The following REXO5 variants were observed in gnomAD, a reference collection of about 807,000 sequenced individuals.
REXO5 encodes the protein RNA exonuclease 5, also known as exonuclease NEF-sp.
Under a neutral mutation model 88.5 loss-of-function variants are expected in REXO5, and 48 were observed. That is an observed-to-expected ratio of 0.54 (90% confidence interval 0.43 to 0.69). The LOEUF is 0.69. REXO5 is among the 30% of genes least tolerant of loss of function. The probability of loss-of-function intolerance (pLI) is 0.00; values close to 1 mark genes in which losing one functional copy is unlikely to be tolerated. For synonymous variants in REXO5, 311 were observed against 336.5 expected (o/e 0.92, Z 0.83); for missense variants, 749 against 912.2 (o/e 0.82, Z 2.30).
chr16:20,823,602 T>G (rs930762863), intron 6 of REXO5: 1 of 152,202 alleles, frequency 6.6e-6, no homozygotes, highest in African/African-American at 2.4e-5. Flanking sequence ...ATAGACCATC[T>G]TTTGATTCTT....
chr16:20,822,033 T>A, intron 6 of REXO5, 131 bp downstream of exon 6: 2 of 903,234 alleles, frequency 2.2e-6, no homozygotes, highest in South Asian at 5.1e-5. Flanking sequence ...CTTCTATTAA[T>A]GAGGAAATAT....
At chr16:20,822,940 G>C (rs1042310282) in intron 6 of REXO5, among the ~76,000 whole-genome samples, 5 of 152,200 alleles carry the variant, frequency 3.3e-5, no homozygotes, top group African/African-American at 1.2e-4. Flanking sequence ...TGACAACTCT[G>C]TGTTTAACCT....
chr16:20,844,427 A>G, intron 16 of REXO5, among the ~76,000 whole-genome samples: 1 of 152,238 alleles, frequency 6.6e-6, no homozygotes, highest in East Asian at 1.9e-4. Context: ...GTTTACATGA[A>G]AATATGTATT....
intron 8 of REXO5, among the ~76,000 whole-genome samples, chr16:20,826,530 A>T (rs998856740): frequency 6.6e-6 from 1 of 152,226 alleles, no homozygotes; most frequent in Non-Finnish European, 1.5e-5. Context: ...GATAGTGATA[A>T]ATACTGTCCT....
intron 3 of REXO5, among the ~76,000 whole-genome samples, chr16:20,814,091 T>C (rs78714567): frequency 6.7e-6 from 1 of 149,674 alleles, no homozygotes; most frequent in East Asian, 1.9e-4. Context: ...CTAAAACTGT[T>C]TTTTTTTTTT....
At chr16:20,828,127 G>A (rs757474006) in intron 10 of REXO5, among the ~76,000 whole-genome samples, 2 of 152,184 alleles carry the variant, frequency 1.3e-5, no homozygotes, top group African/African-American at 2.4e-5. Context: ...GGTTAGATCT[G>A]AGAAATGGGC....
chr16:20,845,030 T>C (rs752842211), intron 17 of REXO5, 24 bp from the exon 18 acceptor site: 1 of 1,607,868 alleles, frequency 6.2e-7, no homozygotes, highest in African/African-American at 1.3e-5. Context: ...CTTAATAACA[T>C]AAGGTGGGGG....
At chr16:20,812,733 C>A (rs555087269) in intron 2 of REXO5, among the ~76,000 whole-genome samples, 1 of 152,152 alleles carries the variant, frequency 6.6e-6, no homozygotes, top group African/African-American at 2.4e-5. Flanking sequence ...ATGTTGAATG[C>A]GATGTTCCCT....
chr16:20,848,300 C>T (rs138334982), intron 19 of REXO5, among the ~76,000 whole-genome samples: 1,794 of 152,266 alleles, frequency 0.012, 19 homozygotes, highest in Non-Finnish European at 0.019. Flanking sequence ...GGTCTTGATG[C>T]AGCTCTTAAT....
chr16:20,844,136 C>T, intron 16 of REXO5, 110 bp downstream of exon 16: 1 of 668,006 alleles, frequency 1.5e-6, no homozygotes, highest in Non-Finnish European at 2.6e-6. Flanking sequence ...ACGCACAAGA[C>T]TTTGTTATGG....
chr16:20,847,515 G>C (rs1293551117), intron 19 of REXO5, among the ~76,000 whole-genome samples: 1 of 151,714 alleles, frequency 6.6e-6, no homozygotes, highest in African/African-American at 2.4e-5. Context: ...AGGTGGATCA[G>C]AAGAAATTCA....
intron 12 of REXO5, 67 bp downstream of exon 12, chr16:20,832,326 C>A: frequency 1.0e-6 from 1 of 982,618 alleles, no homozygotes; most frequent in Non-Finnish European, 1.5e-6. Flanking sequence ...TTAACAACAC[C>A]TGAGAATGTT....
intron 15 of REXO5, among the ~76,000 whole-genome samples, chr16:20,841,639 C>CA (rs2081529419): frequency 6.6e-6 from 1 of 152,012 alleles, no homozygotes; most frequent in Admixed American, 6.6e-5. Context: ...ATTTTTGAGA[C>CA]AGAGGCCCAG....
chr16:20,846,631 T>TA (rs566718947), intron 19 of REXO5, among the ~76,000 whole-genome samples: 102 of 152,216 alleles, frequency 6.7e-4, no homozygotes, highest in African/African-American at 2.4e-3. Context: ...CCCACTTGAG[T>TA]AAAAAAAGTA....
chr16:20,812,960 G>A (rs79511569), intron 2 of REXO5, among the ~76,000 whole-genome samples: 4,476 of 152,264 alleles, frequency 0.029, 230 homozygotes, highest in African/African-American at 0.1. Context: ...TTCCTAGCAT[G>A]TAACCAAGTA....
chr16:20,808,185 A>T (rs2080937205), intron 2 of REXO5, among the ~76,000 whole-genome samples: 1 of 152,220 alleles, frequency 6.6e-6, no homozygotes, highest in Admixed American at 6.5e-5. Context: ...TGGAAAGATT[A>T]TCTAACACGA....
chr16:20,844,208 A>T (rs1421608729), intron 16 of REXO5, among the ~76,000 whole-genome samples, 182 bp downstream of exon 16: 2 of 152,178 alleles, frequency 1.3e-5, no homozygotes, highest in Non-Finnish European at 2.9e-5. Flanking sequence ...AACGGCTTTC[A>T]TTTGTGTCAG....
At position 20,844,025 on chromosome 16, in the gene REXO5, A is replaced by G; in HGVS notation, c.1718A>G (p.Lys573Arg). Residue 573 changes from lysine to arginine, a missense_variant and splice_region_variant, in exon 16 of 20, where the codon AAG (lysine) becomes AGG (arginine). Coordinates refer to ENST00000261377, the MANE Select transcript of REXO5 (RefSeq NM_030941.3). ...DGILVDGICIKVQRPVTELTL... is the reference protein window; with the variant it reads ...DGILVDGICIRVQRPVTELTL... ...ATTCTGGTAGATGGTATCTGCATCA[A>G]GGTAGGGTGACAAGAGAAAGCCCCC... is the stretch of plus-strand genomic sequence containing the variant. 1.3e-6 allele frequency: 2 copies of G among 1,577,658 alleles called. No individual in the cohort carries two copies. The highest frequency in any genetic ancestry group is 1.7e-6 in the Non-Finnish European group (2 of 1,146,702).
intron 15 of REXO5, among the ~76,000 whole-genome samples, chr16:20,842,365 T>C (rs1158011878): frequency 1.3e-5 from 2 of 152,244 alleles, no homozygotes; most frequent in Non-Finnish European, 2.9e-5. Flanking sequence ...GTAGCATGTA[T>C]TAGAATTTCA....
Sources: gnomAD v4.1 joint callset for allele counts (sites outside exome capture counted in the v4.1 genomes callset) on GRCh38, gnomAD v4.1.1 for gene constraint, MANE v1.5 for transcripts, NCBI Gene and HGNC (gene_info 2026-07-23, HGNC 2026-07-21) for gene names.